The following PTPN14 variants were observed in gnomAD, a reference collection of about 807,000 sequenced individuals.
The protein encoded by PTPN14 is tyrosine-protein phosphatase non-receptor type 14.
In PTPN14, 53 loss-of-function variants were observed where a neutral mutation model predicts 126.8. That is an observed-to-expected ratio of 0.42 (90% CI 0.34 to 0.53). The LOEUF (loss-of-function observed/expected upper bound fraction) is 0.53, where lower values mean the gene tolerates loss of function less well. PTPN14 is among the 20% of genes least tolerant of loss of function. The probability of loss-of-function intolerance (pLI) is 0.08; values close to 1 mark genes in which losing one functional copy is unlikely to be tolerated. For missense variants in PTPN14, 1,257 were observed against 1,552.9 expected (o/e 0.81, Z 3.20); for synonymous variants, 630 against 599.3 (o/e 1.05, Z -0.75).
At chr1:214,504,667 C>G (rs1229246365) in intron 1 of PTPN14, among the ~76,000 whole-genome samples, 2 of 152,142 alleles carry the variant, frequency 1.3e-5, no homozygotes, top group Non-Finnish European at 2.9e-5. Flanking sequence ...CAAGGCACCA[C>G]CCTGCTAGGC....
At chr1:214,532,148 G>A (rs1436205514) in intron 1 of PTPN14, 10 of 289,158 alleles carry the variant, frequency 3.5e-5, no homozygotes, top group Admixed American at 1.1e-4. Context: ...TACTGAGGTC[G>A]TTGGCAAAGC....
In PTPN14 at chr1:214,357,976, G is replaced by A. The variant is rs1657864386; in HGVS notation, c.3510C>T (p.Tyr1170=). ...GGATGAGGACTTGGTAGACAAACTTGTACTGAGCGATAGTCTGGATCATGA... is the reference window on the plus strand; with the variant it reads ...GGATGAGGACTTGGTAGACAAACTTATACTGAGCGATAGTCTGGATCATGA... ...RMFMIQTIAQ[Y]KFVYQVLIQF... The change falls in exon 19 of 19, where the codon TAC becomes TAT. Residue 1170 remains tyrosine (Y), a synonymous_variant. Coordinates refer to ENST00000366956, the MANE Select transcript of PTPN14 (RefSeq NM_005401.5). 1 of 1,613,170 alleles carries A rather than the reference G, an allele frequency of 6.2e-7. No individual in the cohort carries two copies. Among genetic ancestry groups the A allele is most frequent in the South Asian group, 1.1e-5 (1 of 91,060 alleles).
At chr1:214,491,444 T>A (rs1220261652) in intron 1 of PTPN14, among the ~76,000 whole-genome samples, 9 of 151,742 alleles carry the variant, frequency 5.9e-5, no homozygotes, top group Non-Finnish European at 1.3e-4. Flanking sequence ...CAAATGGGAG[T>A]GGGGAGCGAT....
chr1:214,452,125 C>T, intron 2 of PTPN14, 151 bp from the exon 3 acceptor site: 1 of 767,414 alleles, frequency 1.3e-6, no homozygotes, highest in Non-Finnish European at 2.1e-6. Context: ...TGGGACTAAT[C>T]AAAAGAAACC....
At chr1:214,377,456 C>T (rs966673442) in intron 14 of PTPN14, among the ~76,000 whole-genome samples, 5 of 152,116 alleles carry the variant, frequency 3.3e-5, no homozygotes, top group African/African-American at 9.6e-5. Context: ...TGAAATAATA[C>T]GTACAACAAA....
intron 1 of PTPN14, among the ~76,000 whole-genome samples, chr1:214,527,191 G>A (rs368840316): frequency 3.9e-5 from 6 of 152,222 alleles, no homozygotes; most frequent in South Asian, 2.1e-4. Flanking sequence ...GGAAAGCTCC[G>A]GTCAAGACAT....
intron 1 of PTPN14, among the ~76,000 whole-genome samples, chr1:214,519,643 A>G (rs1655193824): frequency 6.6e-6 from 1 of 152,228 alleles, no homozygotes; most frequent in African/African-American, 2.4e-5. Flanking sequence ...AATCGCTTGC[A>G]TATACTGTTT....
At position 214,494,915 on chromosome 1, in the gene PTPN14, A is replaced by C. The variant is rs557582822; in HGVS notation, c.-154-29958T>G. On this transcript the variant is annotated intron_variant, in intron 1 of 18. Coordinates refer to ENST00000366956, the MANE Select transcript of PTPN14 (RefSeq NM_005401.5). Reference sequence around the variant, plus strand: ...AACCTGAGGGAAGGAGATGCCTGAAAGACCTGGAATTCTTCTTGCTTGACT... The same window carrying C: ...AACCTGAGGGAAGGAGATGCCTGAACGACCTGGAATTCTTCTTGCTTGACT... Among the ~76,000 whole-genome samples, 3 of 152,168 alleles carry C rather than the reference A, an allele frequency of 2.0e-5. No individual in the cohort carries two copies. The East Asian group carries it at 5.8e-4, about 29-fold the overall frequency.
intron 3 of PTPN14, among the ~76,000 whole-genome samples, chr1:214,440,618 C>G (rs570121777): frequency 6.6e-6 from 1 of 152,190 alleles, no homozygotes; most frequent in South Asian, 2.1e-4. Context: ...CACCTACAGT[C>G]TCTTATAGGC....
intron 3 of PTPN14, among the ~76,000 whole-genome samples, chr1:214,436,880 C>G (rs1017948015): frequency 6.6e-6 from 1 of 150,854 alleles, no homozygotes; most frequent in African/African-American, 2.4e-5. Flanking sequence ...GTCAGCACAT[C>G]ACAAAATCAT....
chr1:214,481,116 A>AT (rs1302508549), intron 1 of PTPN14, among the ~76,000 whole-genome samples: 1 of 152,078 alleles, frequency 6.6e-6, no homozygotes, highest in Non-Finnish European at 1.5e-5. Context: ...TTCAAGTAAG[A>AT]TTTTTTTGTG....
chr1:214,454,399 T>A (rs1464080960), intron 2 of PTPN14, among the ~76,000 whole-genome samples: 1 of 152,240 alleles, frequency 6.6e-6, no homozygotes, highest in Admixed American at 6.5e-5. Flanking sequence ...ATTGCTTCTG[T>A]GTCTTGAAAG....
At chr1:214,377,811 G>T in intron 14 of PTPN14, 148 bp downstream of exon 14, 1 of 1,001,568 alleles carries the variant, frequency 1.0e-6, no homozygotes, top group Non-Finnish European at 1.5e-6. Flanking sequence ...CTGATTTAAT[G>T]CAACACAGTT....
At chr1:214,402,809 A>G in intron 6 of PTPN14, 74 bp downstream of exon 6, 1 of 1,508,406 alleles carries the variant, frequency 6.6e-7, no homozygotes, top group East Asian at 2.3e-5. Context: ...GCTGATAGGG[A>G]GATGGATGCC....
At chr1:214,399,118 G>A (rs1658958252) in intron 7 of PTPN14, among the ~76,000 whole-genome samples, 1 of 152,154 alleles carries the variant, frequency 6.6e-6, no homozygotes, top group South Asian at 2.1e-4. Flanking sequence ...GTGAAGTAAC[G>A]CATATGTTAA....
At chr1:214,534,538 C>T (rs1655650292) in intron 1 of PTPN14, among the ~76,000 whole-genome samples, 1 of 151,804 alleles carries the variant, frequency 6.6e-6, no homozygotes, top group African/African-American at 2.4e-5. Flanking sequence ...ACGGTGAAAC[C>T]CCGTCTCTAC....
intron 1 of PTPN14, among the ~76,000 whole-genome samples, chr1:214,471,030 A>AC (rs201714694): frequency 8.0e-6 from 1 of 125,412 alleles, no homozygotes. Flanking sequence ...CATCTCAAAA[A>AC]AAAAAAAAAC....
At chr1:214,549,436 A>G (rs1047742450) in intron 1 of PTPN14, among the ~76,000 whole-genome samples, 8 of 152,250 alleles carry the variant, frequency 5.3e-5, no homozygotes, top group Non-Finnish European at 5.9e-5. Flanking sequence ...AGAGAAAAGT[A>G]TAACAAACTT....
At position 214,357,373 on chromosome 1, in the gene PTPN14, T is replaced by G. The variant is rs1275123452; in HGVS notation, c.*549A>C. ...GAAATGAAGACGAGAGGAAACTGTC[T>G]ATCAAGGCTCATGAGCCCCAAAATA... is the stretch of plus-strand genomic sequence containing the variant. On this transcript the variant is annotated 3_prime_UTR_variant, in exon 19 of 19. Transcript: ENST00000366956. 1 of 152,152 alleles carries G rather than the reference T, an allele frequency of 6.6e-6. No individual in the cohort carries two copies. Among genetic ancestry groups the G allele is most frequent in the Non-Finnish European group, 1.5e-5 (1 of 68,048 alleles). 9.4% of individuals were successfully genotyped at this position (152,152 alleles called of 1,614,324 possible).
Sources: allele counts gnomAD v4.1 joint callset (sites outside exome capture counted in the v4.1 genomes callset), GRCh38; gene constraint gnomAD v4.1.1; transcripts MANE v1.5; gene names NCBI Gene and HGNC (gene_info 2026-07-23, HGNC 2026-07-21).